TRPC4: variants seen among roughly 807,000 people sequenced by gnomAD.
TRPC4 encodes transient receptor potential cation channel subfamily C member 4, also known as short transient receptor potential channel 4.
In TRPC4, 49 loss-of-function variants were observed where a neutral mutation model predicts 99.4. That is an observed-to-expected ratio of 0.49 (90% CI 0.39 to 0.63). TRPC4 has a LOEUF of 0.63. Ranked by LOEUF, TRPC4 falls within the 20% of genes least tolerant of loss-of-function variation. The probability of loss-of-function intolerance (pLI) is 0.00; values close to 1 mark genes in which losing one functional copy is unlikely to be tolerated. For missense variants in TRPC4, 898 were observed against 1,152.9 expected, an observed-to-expected ratio of 0.78 and a Z score of 3.20; for synonymous variants, 454 against 425.9, an observed-to-expected ratio of 1.07 and a Z score of -0.81.
intron 1 of TRPC4, among the ~76,000 whole-genome samples, chr13:37,821,986 C>G: frequency 6.6e-6 from 1 of 152,090 alleles, no homozygotes; most frequent in South Asian, 2.1e-4. Context: ...CAAAGAACTT[C>G]ACACAGGAAA....
intron 5 of TRPC4, among the ~76,000 whole-genome samples, 174 bp downstream of exon 5, chr13:37,674,054 A>G (rs1952955617): frequency 6.6e-6 from 1 of 152,160 alleles, no homozygotes; most frequent in African/African-American, 2.4e-5. Flanking sequence ...ATTAAAGGCT[A>G]TGCATTTATT....
intron 3 of TRPC4, among the ~76,000 whole-genome samples, chr13:37,709,157 T>A (rs1330706135): frequency 6.6e-6 from 1 of 151,906 alleles, no homozygotes; most frequent in Non-Finnish European, 1.5e-5. Flanking sequence ...CTTCACTATA[T>A]CACTGCAGTA....
At chr13:37,817,537 A>C (rs774783496) in intron 1 of TRPC4, among the ~76,000 whole-genome samples, 7 of 152,014 alleles carry the variant, frequency 4.6e-5, no homozygotes, top group Non-Finnish European at 8.8e-5. Context: ...TAAAATTTAC[A>C]TGGGACCAAA....
Position 37,796,338 on chromosome 13 carries a change from C to T in TRPC4, c.-27-12978G>A, listed in dbSNP as rs1394268637. ...TGGGTAAGTACTATTATTAGTGTCC[C>T]ATGCAATGAATACAGAGGTTAATTT... On this transcript the variant is annotated intron_variant, in intron 1 of 10. Transcript: ENST00000379705. 2.0e-5 allele frequency among the ~76,000 whole-genome samples: 3 copies of T among 152,220 alleles called. 1 individual carries two copies. The East Asian group carries it at 5.8e-4, about 29-fold the overall frequency.
At chr13:37,801,048 C>T (rs756294319) in intron 1 of TRPC4, among the ~76,000 whole-genome samples, 1 of 151,912 alleles carries the variant, frequency 6.6e-6, no homozygotes, top group African/African-American at 2.4e-5. Context: ...TTTTGTTGTG[C>T]TTCTTTTGAC....
intron 6 of TRPC4, among the ~76,000 whole-genome samples, chr13:37,659,404 C>T (rs1952355817): frequency 6.6e-6 from 1 of 152,136 alleles, no homozygotes; most frequent in Non-Finnish European, 1.5e-5. Flanking sequence ...GATGTTGATG[C>T]TGTGCTTCTT....
rs1452272823 is a variant in TRPC4, at chr13:37,746,379, G to A, written c.455C>T (p.Thr152Ile). Residue 152 changes from threonine to isoleucine, a missense_variant, in exon 3 of 11, where the codon ACA becomes ATA. This residue lies in a region of TRPC4 where 278 missense variants were observed against 346.6 expected (regional missense o/e 0.80). Transcript: ENST00000379705. Reference sequence around the variant, plus strand: ...GAGTTTTATTATCTCATAATTATTTGTATGGGCTGCCAAAATGATTGGTGT... The same window carrying A: ...GAGTTTTATTATCTCATAATTATTTATATGGGCTGCCAAAATGATTGGTGT... ...DITPIILAAH[T>I]NNYEIIKLLV... 6.2e-7 allele frequency: 1 copy of A among 1,613,158 alleles called. No individual in the cohort carries two copies. The highest frequency in any genetic ancestry group is 1.7e-5 in the Admixed American group (1 of 59,940).
At chr13:37,694,057 C>A (rs191795027) in intron 3 of TRPC4, among the ~76,000 whole-genome samples, 1 of 152,258 alleles carries the variant, frequency 6.6e-6, no homozygotes, top group African/African-American at 2.4e-5. Flanking sequence ...TGGTTTAGAT[C>A]ATTAACAAGC....
intron 1 of TRPC4, among the ~76,000 whole-genome samples, chr13:37,862,802 G>C (rs1959466205): frequency 6.6e-6 from 1 of 151,444 alleles, no homozygotes; most frequent in Non-Finnish European, 1.5e-5. Context: ...TATGTATTAA[G>C]ACCTCAGTAA....
chr13:37,867,092 T>C (rs1959808469), intron 1 of TRPC4, among the ~76,000 whole-genome samples: 1 of 151,854 alleles, frequency 6.6e-6, no homozygotes. Context: ...GAAAATTTAA[T>C]AGTTTATTGT....
intron 5 of TRPC4, among the ~76,000 whole-genome samples, chr13:37,665,789 T>C (rs1952626405): frequency 6.7e-6 from 1 of 148,618 alleles, no homozygotes. Flanking sequence ...CAAGTTCTAT[T>C]ATGGACCTAC....
Position 37,636,860 on chromosome 13 carries a change from G to T in TRPC4, c.*43C>A. On this transcript the variant is annotated 3_prime_UTR_variant, in exon 11 of 11. Coordinates refer to ENST00000379705, the MANE Select transcript of TRPC4 (RefSeq NM_016179.4). ...CATTTTCCCCCACCCAGAGCACTAC[G>T]GAAAATACGTATGTGTATGGTAAAC... The T allele has an allele frequency of 1.3e-6, 2 of 1,562,208 alleles. No individual in the cohort carries two copies. The highest frequency in any genetic ancestry group is 1.2e-5 in the South Asian group (1 of 81,804).
At chr13:37,844,425 G>T (rs1334098221) in intron 1 of TRPC4, among the ~76,000 whole-genome samples, 1 of 152,102 alleles carries the variant, frequency 6.6e-6, no homozygotes, top group Non-Finnish European at 1.5e-5. Flanking sequence ...CTCCCAAGTA[G>T]CTGGGATTAC....
chr13:37,643,278 T>C (rs9547991), intron 8 of TRPC4, among the ~76,000 whole-genome samples: 36,632 of 152,124 alleles, frequency 0.24, 4,710 homozygotes, highest in Non-Finnish European at 0.28. Flanking sequence ...TGTATGGCAG[T>C]GGAGTGCAAG....
At chr13:37,752,219 T>G (rs1399066938) in intron 2 of TRPC4, among the ~76,000 whole-genome samples, 1 of 151,162 alleles carries the variant, frequency 6.6e-6, no homozygotes, top group Non-Finnish European at 1.5e-5. Flanking sequence ...CTGTGCAACA[T>G]TTTACTTTCC....
At chr13:37,737,313 C>T (rs1388785049) in intron 3 of TRPC4, among the ~76,000 whole-genome samples, 1 of 151,836 alleles carries the variant, frequency 6.6e-6, no homozygotes, top group African/African-American at 2.4e-5. Context: ...ATGCTAAGTT[C>T]TGTACTTGCA....
At chr13:37,643,312 C>T (rs1263356804) in intron 8 of TRPC4, among the ~76,000 whole-genome samples, 1 of 152,184 alleles carries the variant, frequency 6.6e-6, no homozygotes, top group Non-Finnish European at 1.5e-5. Flanking sequence ...ATAAAGCACA[C>T]TTTTGCCCTT....
At position 37,637,668 on chromosome 13, in the gene TRPC4, A is replaced by T. The variant is rs191076306; in HGVS notation, c.2212-43T>A. On this transcript the variant is annotated intron_variant, in intron 10 of 10. Transcript: ENST00000379705. The stretch of plus-strand genomic sequence containing the variant: ...TGAAAAATTCGGTTATGACTTAAAC[A>T]TTTGGAAACATCATTTTCTCGTCTC... 39 of 1,517,598 alleles carry T rather than the reference A, an allele frequency of 2.6e-5. No individual in the cohort carries two copies. In the Admixed American group the frequency reaches 2.7e-4, roughly 11 times the overall value. 94.0% of individuals were successfully genotyped at this position (1,517,598 alleles called of 1,614,324 possible). A position where few individuals can be genotyped will look rare whatever the true frequency, so the allele number is the denominator to read the frequency against.
chr13:37,810,368 T>C (rs12428460), intron 1 of TRPC4, among the ~76,000 whole-genome samples: 43,875 of 151,886 alleles, frequency 0.29, 6,552 homozygotes, highest in East Asian at 0.43. Flanking sequence ...GGTAGATTTT[T>C]CATATTGCTA....
Sources: allele counts gnomAD v4.1 joint callset (sites outside exome capture counted in the v4.1 genomes callset), GRCh38; gene constraint gnomAD v4.1.1; regional missense constraint gnomAD v4.1.1; transcripts MANE v1.5; gene names NCBI Gene and HGNC (gene_info 2026-07-23, HGNC 2026-07-21).